ACTR1B: variants seen among roughly 807,000 people sequenced by gnomAD.
ACTR1B encodes actin related protein 1B, also known as beta-centractin.
Under a neutral mutation model 49.4 loss-of-function variants are expected in ACTR1B, and 34 were observed. That is an observed-to-expected ratio of 0.69 (90% CI 0.52 to 0.92). The LOEUF (loss-of-function observed/expected upper bound fraction) is 0.92, where lower values mean the gene tolerates loss of function less well. Among genes scored for constraint, ACTR1B ranks in the 40% least tolerant of loss-of-function variants. The pLI is 0.00. For synonymous variants in ACTR1B, 207 were observed against 207.8 expected (o/e 1.00, Z 0.03); for missense variants, 471 against 522.4 (o/e 0.90, Z 0.96).
chr2:97,658,104 C>T lies in ACTR1B; in HGVS notation c.764G>A (p.Arg255Gln), dbSNP rs1446316002. 2 of 1,613,992 alleles carry T rather than the reference C, an allele frequency of 1.2e-6. No homozygotes were observed. Among genetic ancestry groups the T allele is most frequent in the Non-Finnish European group, 1.7e-6 (2 of 1,180,020 alleles). Residue 255 changes from arginine to glutamine, a missense_variant, in exon 8 of 11, where the codon CGA (arginine) becomes CAA (glutamine). Coordinates refer to ENST00000289228, the MANE Select transcript of ACTR1B (RefSeq NM_005735.4). This position sits in a 1 kb window ranked among gnomAD's most constrained non-coding sequence, Gnocchi z 5.9. ...DGSTLDVGPA[R>Q]FRAPELLFQP... is the part of the protein sequence containing the mutation. The stretch of plus-strand genomic sequence containing the variant: ...GAACAGCAGCTCGGGGGCCCGGAAT[C>T]GTGCAGGCCCCACCTTTAGTGTACA...
chr2:97,657,828 TCA>T, intron 8 of ACTR1B, 113 bp downstream of exon 8: 1 of 1,302,496 alleles, frequency 7.7e-7, no homozygotes, highest in Non-Finnish European at 1.1e-6. Context: ...AAAAAAATGT[TCA>T]TTGAGCACCA....
chr2:97,661,409 A>C (rs1341886580), intron 2 of ACTR1B, among the ~76,000 whole-genome samples: 3 of 152,206 alleles, frequency 2.0e-5, no homozygotes, highest in Non-Finnish European at 4.4e-5. Flanking sequence ...CTGGGTTTGC[A>C]ATTCTTATTC....
At position 97,659,486 on chromosome 2, in the gene ACTR1B, G is replaced by T; in HGVS notation, c.190-9C>A. The T allele has an allele frequency of 1.9e-6, 3 of 1,613,096 alleles. No individual in the cohort carries two copies. Among genetic ancestry groups the T allele is most frequent in the Non-Finnish European group, 1.7e-6 (2 of 1,179,952 alleles). ...AGCAGCCCCCGGTGCTCCTGGTGGGGTGGGAAGGGAGGTGTGGCACCCGGC... is the reference window on the plus strand; with the variant it reads ...AGCAGCCCCCGGTGCTCCTGGTGGGTTGGGAAGGGAGGTGTGGCACCCGGC... On this transcript the variant is annotated splice_polypyrimidine_tract_variant and intron_variant, in intron 3 of 10. Transcript: ENST00000289228. The surrounding 1 kb of genome is among the most constrained non-coding windows in gnomAD (Gnocchi z 4.0).
intron 1 of ACTR1B, among the ~76,000 whole-genome samples, chr2:97,662,575 C>G (rs2104508606): frequency 6.6e-6 from 1 of 152,124 alleles, no homozygotes; most frequent in African/African-American, 2.4e-5. Context: ...TATCGCTGCC[C>G]CCACCTGGAA....
At position 97,656,639 on chromosome 2, in the gene ACTR1B, G is replaced by A. The variant is rs1317888658; in HGVS notation, c.*219C>T. ...CTGACATGGCGCTCAATTCCCACACGCCAGCTCAAGGCTCCTGTCCATGCA... is the reference window on the plus strand; with the variant it reads ...CTGACATGGCGCTCAATTCCCACACACCAGCTCAAGGCTCCTGTCCATGCA... On this transcript the variant is annotated 3_prime_UTR_variant, in exon 11 of 11. Transcript: ENST00000289228. 1.1e-5 allele frequency: 6 copies of A among 539,812 alleles called. No individual in the cohort carries two copies. Among genetic ancestry groups the A allele is most frequent in the East Asian group, 3.2e-5 (1 of 31,556 alleles). 33.4% of individuals were successfully genotyped at this position (539,812 alleles called of 1,614,324 possible).
At chr2:97,657,082 G>A (rs1559287982) in intron 10 of ACTR1B, 70 bp downstream of exon 10, 9 of 1,595,102 alleles carry the variant, frequency 5.6e-6, no homozygotes, top group Non-Finnish European at 7.7e-6. Flanking sequence ...CGTGGCCTAG[G>A]CCAACAATGG....
At position 97,660,576 on chromosome 2, in the gene ACTR1B, CT is replaced by C. The variant is rs747519549; in HGVS notation, c.183del (p.Ala62GlnfsTer8). On this transcript the variant is annotated frameshift_variant, in exon 3 of 11. Coordinates refer to ENST00000289228, the MANE Select transcript of ACTR1B (RefSeq NM_005735.4). LOFTEE classifies it high-confidence loss of function. The stretch of plus-strand genomic sequence containing the variant: ...GGCAGGCTCCTCGGTGTTACCTCTG[CT>C]TTTGGTCCGATGAAGAGGTCCCCCT... Reference protein sequence around the residue: ...ALEGDLFIGPKAEEHRGLLTI... With the variant: ...ALEGDLFIGPXAEEHRGLLTI... 1 of 1,614,102 alleles carries C rather than the reference CT, an allele frequency of 6.2e-7. No individual in the cohort carries two copies. The highest frequency in any genetic ancestry group is 2.2e-5 in the East Asian group (1 of 44,876).
rs1559288729 is a variant in ACTR1B, at chr2:97,658,315, C to T, written c.659G>A (p.Arg220Gln). The change falls in exon 7 of 11, where the codon CGA (arginine) becomes CAA (glutamine). Residue 220 changes from arginine to glutamine, a missense_variant and splice_region_variant. Coordinates refer to ENST00000289228, the MANE Select transcript of ACTR1B (RefSeq NM_005735.4). The surrounding 1 kb of genome is among the most constrained non-coding windows in gnomAD (Gnocchi z 5.9). ...TGGGTTGATGGACAGGTAGCACGCT[C>T]GCTGCGGGGACAGGGACACAGCCCT... ...EFEVVRTIKE[R>Q]ACYLSINPQK... is the part of the protein sequence containing the mutation. 4.3e-6 allele frequency: 7 copies of T among 1,614,172 alleles called. No homozygotes were observed. Among genetic ancestry groups the T allele is most frequent in the African/African-American group, 1.3e-5 (1 of 75,060 alleles).
At chr2:97,657,374 C>G in intron 9 of ACTR1B, 74 bp downstream of exon 9, 1 of 1,546,416 alleles carries the variant, frequency 6.5e-7, no homozygotes, top group Non-Finnish European at 8.9e-7. Flanking sequence ...GGTCTGGGGG[C>G]AGCATTCAAC....
At position 97,663,834 on chromosome 2, in the gene ACTR1B, G is replaced by A; in HGVS notation, c.48+9C>T. 1.4e-6 allele frequency: 2 copies of A among 1,405,418 alleles called. No homozygotes were observed. Among genetic ancestry groups the A allele is most frequent in the South Asian group, 1.4e-5 (1 of 69,296 alleles). 87.1% of individuals were successfully genotyped at this position (1,405,418 alleles called of 1,614,324 possible). On this transcript the variant is annotated intron_variant, in intron 1 of 10. Transcript: ENST00000289228. ...GGCGCCCGCCCTCCCCCTGGCTGCC[G>A]GGCCTCACGTTGTCGATGACCACAG...
chr2:97,659,648 G>T lies in ACTR1B; in HGVS notation c.190-171C>A. The T allele has an allele frequency of 2.2e-6, 2 of 906,698 alleles. No individual in the cohort carries two copies. The highest frequency in any genetic ancestry group is 3.3e-6 in the Non-Finnish European group (2 of 608,084). The allele number at this position is 906,698 out of a possible 1,614,324, so 56.2% of individuals were successfully genotyped here. On this transcript the variant is annotated intron_variant, in intron 3 of 10. Coordinates refer to ENST00000289228, the MANE Select transcript of ACTR1B (RefSeq NM_005735.4). This position sits in a 1 kb window ranked among gnomAD's most constrained non-coding sequence, Gnocchi z 4.0. ...CTGTGGCGGGTCCTGAACTCAGCAT[G>T]GGCTCACCTGCCCACCAGCTTCTTA... is the stretch of plus-strand genomic sequence containing the variant.
At chr2:97,663,513 C>A (rs962741720) in intron 1 of ACTR1B, among the ~76,000 whole-genome samples, 1 of 152,214 alleles carries the variant, frequency 6.6e-6, no homozygotes, top group African/African-American at 2.4e-5. Context: ...TGGAAACCTG[C>A]CCAGGAACCG....
In ACTR1B at chr2:97,658,791, T is replaced by A; in HGVS notation, c.440+88A>T. ...GAGGAACAGTCATCAAGGGGCTGTT[T>A]TTCCAGGGAAGTCAGACCCTGGTCA... On this transcript the variant is annotated intron_variant, in intron 5 of 10. Coordinates refer to ENST00000289228, the MANE Select transcript of ACTR1B (RefSeq NM_005735.4). The surrounding 1 kb of genome is among the most constrained non-coding windows in gnomAD (Gnocchi z 5.9). The A allele has an allele frequency of 6.2e-7, 1 of 1,603,466 alleles. No homozygotes were observed. Among genetic ancestry groups the A allele is most frequent in the Admixed American group, 1.7e-5 (1 of 59,842 alleles).
At chr2:97,656,992 A>G (rs925767069) in intron 10 of ACTR1B, 32 bp from the exon 11 acceptor site, 11 of 1,582,484 alleles carry the variant, frequency 7.0e-6, no homozygotes, top group Non-Finnish European at 9.5e-6. Context: ...ATTGCTGTGG[A>G]CCTGTCAGGG....
chr2:97,657,546 C>T, intron 8 of ACTR1B, 37 bp from the exon 9 acceptor site: 2 of 1,610,782 alleles, frequency 1.2e-6, no homozygotes, highest in Non-Finnish European at 1.7e-6. Context: ...GGGGTCTGCA[C>T]CCGGCCTCCT....
chr2:97,661,422 G>A (rs1382252392), intron 2 of ACTR1B, among the ~76,000 whole-genome samples: 4 of 152,074 alleles, frequency 2.6e-5, no homozygotes, highest in African/African-American at 7.2e-5. Context: ...TCTTATTCCC[G>A]CCCCCACCAG....
Position 97,659,727 on chromosome 2 carries a change from T to C in ACTR1B, c.190-250A>G. 1 of 559,044 alleles carries C rather than the reference T, an allele frequency of 1.8e-6. No homozygotes were observed. The highest frequency in any genetic ancestry group is 2.2e-5 in the South Asian group (1 of 45,432). 34.6% of individuals were successfully genotyped at this position (559,044 alleles called of 1,614,324 possible). A position where few individuals can be genotyped will look rare whatever the true frequency, so the allele number is the denominator to read the frequency against. Reference sequence around the variant, plus strand: ...GGGGGGATCAGAGAGGGTGGCAGTGTGCCCCGCAATCTGCAGGCTCTCTTC... The same window carrying C: ...GGGGGGATCAGAGAGGGTGGCAGTGCGCCCCGCAATCTGCAGGCTCTCTTC... On this transcript the variant is annotated intron_variant, in intron 3 of 10. Coordinates refer to ENST00000289228, the MANE Select transcript of ACTR1B (RefSeq NM_005735.4). This position sits in a 1 kb window ranked among gnomAD's most constrained non-coding sequence, Gnocchi z 4.0.
Position 97,659,005 on chromosome 2 carries a change from T to TGCGAGGGA in ACTR1B, c.316-10_316-3dup, listed in dbSNP as rs1235549535. 6.2e-7 allele frequency: 1 copy of TGCGAGGGA among 1,614,090 alleles called. No homozygotes were observed. ...GGCCTCCGTGAGGAGCACAGGATGC[T>TGCGAGGGA]GCGAGGGACGGGACAGTTGTAGGCA... On this transcript the variant is annotated splice_region_variant and splice_polypyrimidine_tract_variant and intron_variant, in intron 4 of 10. Transcript: ENST00000289228. The surrounding 1 kb of genome is among the most constrained non-coding windows in gnomAD (Gnocchi z 4.0).
At position 97,663,030 on chromosome 2, in the gene ACTR1B, G is replaced by A. The variant is rs570621703; in HGVS notation, c.48+813C>T. 2.0e-5 allele frequency among the ~76,000 whole-genome samples: 3 copies of A among 152,262 alleles called. No individual in the cohort carries two copies. The South Asian group carries it at 6.2e-4, about 32-fold the overall frequency. On this transcript the variant is annotated intron_variant, in intron 1 of 10. Coordinates refer to ENST00000289228, the MANE Select transcript of ACTR1B (RefSeq NM_005735.4). Reference sequence around the variant, plus strand: ...AGTGAGTCATTACCAAAAACTCCAAGGCCCGCACACCGGACGCACATACCC... The same window carrying A: ...AGTGAGTCATTACCAAAAACTCCAAAGCCCGCACACCGGACGCACATACCC...
Sources: gnomAD v4.1 joint callset for allele counts (sites outside exome capture counted in the v4.1 genomes callset) on GRCh38, gnomAD v4.1.1 for gene constraint, Gnocchi (gnomAD v3.1) non-coding constraint, MANE v1.5 for transcripts, NCBI Gene and HGNC (gene_info 2026-07-23, HGNC 2026-07-21) for gene names.